Variants in ASH2L observed in about 807,000 individuals in gnomAD.
ASH2L encodes set1/Ash2 histone methyltransferase complex subunit ASH2.
In ASH2L, 30 loss-of-function variants were observed where a neutral mutation model predicts 81.1. The observed-to-expected ratio is 0.37, with a 90% CI of 0.28 to 0.50. The LOEUF is 0.50. Among genes scored for constraint, ASH2L ranks in the 20% least tolerant of loss-of-function variants. ASH2L has a pLI of 0.95. For synonymous variants in ASH2L, 273 were observed against 279.9 expected (o/e 0.98, Z 0.24); for missense variants, 559 against 792.1 (o/e 0.71, Z 3.53).
At chr8:38,127,515 T>C (rs192878627) in intron 10 of ASH2L, among the ~76,000 whole-genome samples, 1 of 151,912 alleles carries the variant, frequency 6.6e-6, no homozygotes, top group East Asian at 1.9e-4. Flanking sequence ...GGGAGGTCAG[T>C]GCAGGTGGAT....
At chr8:38,117,043 C>G (rs1209289138) in intron 8 of ASH2L, among the ~76,000 whole-genome samples, 1 of 152,166 alleles carries the variant, frequency 6.6e-6, no homozygotes, top group Non-Finnish European at 1.5e-5. Flanking sequence ...CATCTCCTCT[C>G]CACTCTTTTT....
chr8:38,114,097 G>T, intron 5 of ASH2L, 95 bp from the exon 6 acceptor site: 1 of 725,682 alleles, frequency 1.4e-6, no homozygotes, highest in Non-Finnish European at 2.2e-6. Flanking sequence ...TTTTTCTCTT[G>T]ATTCTAACAA....
chr8:38,110,593 A>T lies in ASH2L; in HGVS notation c.490+126A>T. The T allele has an allele frequency of 2.6e-6, 3 of 1,144,032 alleles. No homozygotes were observed. In the South Asian group the frequency reaches 3.9e-5, roughly 15 times the overall value. 70.9% of individuals were successfully genotyped at this position (1,144,032 alleles called of 1,614,324 possible). On this transcript the variant is annotated intron_variant, in intron 4 of 15. Coordinates refer to ENST00000343823, the MANE Select transcript of ASH2L (RefSeq NM_004674.5). ...TAAATTCAGTTGGGGTTTAGCTCTG[A>T]ATAATTGCAATTGCCCATTTCAGGT... is the stretch of plus-strand genomic sequence containing the variant.
intron 3 of ASH2L, among the ~76,000 whole-genome samples, chr8:38,110,129 C>T (rs1407699524): frequency 6.6e-6 from 1 of 152,096 alleles, no homozygotes; most frequent in Admixed American, 6.5e-5. Flanking sequence ...TGCAGCATGG[C>T]GAAACCCTGA....
chr8:38,106,360 G>C lies in ASH2L; in HGVS notation c.189-18G>C, dbSNP rs375021880. 4.3e-6 allele frequency: 7 copies of C among 1,611,632 alleles called. No individual in the cohort carries two copies. Among genetic ancestry groups the C allele is most frequent in the Non-Finnish European group, 5.9e-6 (7 of 1,178,208 alleles). On this transcript the variant is annotated intron_variant, in intron 1 of 15. Transcript: ENST00000343823. ...TTGTCTTGAGAATTCTTACTTGAGC[G>C]CTTTCATTATCTTATAGGGAGGCAA...
At position 38,138,839 on chromosome 8, in the gene ASH2L, C is replaced by G; in HGVS notation, c.1743C>G (p.Cys581Trp). 1.2e-6 allele frequency: 2 copies of G among 1,614,182 alleles called. No homozygotes were observed. Among genetic ancestry groups the G allele is most frequent in the Non-Finnish European group, 1.7e-6 (2 of 1,180,030 alleles). Residue 581 changes from cysteine (C) to tryptophan (W), a missense_variant, in exon 15 of 16, where the codon TGC (cysteine) becomes TGG (tryptophan). Physicochemically the swap from Cys to Trp is radical, Grantham distance 215. Transcript: ENST00000343823. ...AGGTTTCCATTAACTTTGGACCATG[C>G]TTCAAGTATCCTCCGAAGGATCTCA... ...SCTVSINFGPCFKYPPKDLTY... is the reference protein window; with the variant it reads ...SCTVSINFGPWFKYPPKDLTY...
chr8:38,133,323 C>T (rs1802133165), intron 12 of ASH2L, 131 bp from the exon 13 acceptor site: 2 of 664,528 alleles, frequency 3.0e-6, no homozygotes, highest in Non-Finnish European at 5.2e-6. Flanking sequence ...TCTAGCAAAA[C>T]TCAACTGCAA....
At chr8:38,119,034 C>A in intron 8 of ASH2L, 1 of 405,392 alleles carries the variant, frequency 2.5e-6, no homozygotes. Flanking sequence ...AACTGTAACC[C>A]AACCATCATA....
intron 1 of ASH2L, chr8:38,106,174 T>TG (rs1229191875): frequency 1.2e-5 from 18 of 1,526,176 alleles, no homozygotes; most frequent in African/African-American, 2.7e-5. Context: ...TAGGCTTCCC[T>TG]GTGCTCCGTG....
intron 8 of ASH2L, among the ~76,000 whole-genome samples, chr8:38,116,944 G>T (rs1320582739): frequency 6.6e-6 from 1 of 152,202 alleles, no homozygotes; most frequent in Admixed American, 6.5e-5. Flanking sequence ...AGTGAGACAG[G>T]TTTAGCATAA....
intron 14 of ASH2L, 91 bp downstream of exon 14, chr8:38,135,857 C>A: frequency 2.1e-6 from 2 of 957,390 alleles, no homozygotes; most frequent in Non-Finnish European, 3.2e-6. Flanking sequence ...GGAACGAAAT[C>A]CAAGCAGCCT....
intron 1 of ASH2L, chr8:38,106,138 AGGT>A (rs1810419634): frequency 6.5e-7 from 1 of 1,529,626 alleles, no homozygotes; most frequent in African/African-American, 1.4e-5. Context: ...ACTCTAACCC[AGGT>A]AGATTTGACT....
chr8:38,111,367 G>A (rs1026328865), intron 5 of ASH2L, among the ~76,000 whole-genome samples: 1 of 152,220 alleles, frequency 6.6e-6, no homozygotes, highest in Non-Finnish European at 1.5e-5. Context: ...GGGATTACAG[G>A]TGTGAGCCAC....
chr8:38,122,616 A>G (rs1585587922), intron 10 of ASH2L: 2 of 152,232 alleles, frequency 1.3e-5, no homozygotes, highest in South Asian at 4.1e-4. Context: ...ACAAACCTGC[A>G]TGTACACAGA....
rs372528548 is a variant in ASH2L, at chr8:38,135,770, C to G, written c.1719+4C>G. 12 of 1,590,734 alleles carry G rather than the reference C, an allele frequency of 7.5e-6. No homozygotes were observed. In the South Asian group the frequency reaches 1.4e-4, roughly 18 times the overall value. Reference sequence around the variant, plus strand: ...CTCACTGTACAAGAGCTGCACGGTACGTACATGTTTCCATCCCATGAGCAA... The same window carrying G: ...CTCACTGTACAAGAGCTGCACGGTAGGTACATGTTTCCATCCCATGAGCAA... On this transcript the variant is annotated splice_donor_region_variant and intron_variant, in intron 14 of 15. Coordinates refer to ENST00000343823, the MANE Select transcript of ASH2L (RefSeq NM_004674.5).
chr8:38,130,554 A>C (rs1260147931), intron 12 of ASH2L, among the ~76,000 whole-genome samples: 1 of 152,112 alleles, frequency 6.6e-6, no homozygotes, highest in Non-Finnish European at 1.5e-5. Context: ...CTTTGAAAAC[A>C]TCATGGTGTT....
chr8:38,123,154 G>A (rs78855650), intron 10 of ASH2L: 3,604 of 132,584 alleles, frequency 0.027, 243 homozygotes, highest in East Asian at 0.26. Context: ...GCGCAATCTC[G>A]GCTCACTGCA....
At chr8:38,106,918 ACCAGC>A in intron 2 of ASH2L, 98 bp from the exon 3 acceptor site, 1 of 1,421,102 alleles carries the variant, frequency 7.0e-7, no homozygotes, top group Non-Finnish European at 9.6e-7. Context: ...ATCACTTGAG[ACCAGC>A]CTGGGCAACA....
chr8:38,114,471 A>G (rs1230858279), intron 6 of ASH2L, among the ~76,000 whole-genome samples, 184 bp downstream of exon 6: 3 of 152,196 alleles, frequency 2.0e-5, no homozygotes, highest in Admixed American at 6.5e-5. Flanking sequence ...TGAGATGCAT[A>G]TTGTCTTATA....
Sources: gnomAD v4.1 joint callset for allele counts (sites outside exome capture counted in the v4.1 genomes callset) on GRCh38, gnomAD v4.1.1 for gene constraint, MANE v1.5 for transcripts, NCBI Gene and HGNC (gene_info 2026-07-23, HGNC 2026-07-21) for gene names.